The following EXT1 variants were observed in gnomAD, a reference collection of about 807,000 sequenced individuals.
The protein encoded by EXT1 is exostosin glycosyltransferase 1.
EXT1 carries 20 observed loss-of-function variants against 82.5 expected under a neutral mutation model. The observed-to-expected ratio is 0.24, with a 90% CI of 0.17 to 0.35. The LOEUF is 0.35. Among genes scored for constraint, EXT1 ranks in the 10% least tolerant of loss-of-function variants. The pLI is 1.00. For synonymous variants in EXT1, 348 were observed against 350.8 expected (o/e 0.99, Z 0.09); for missense variants, 757 against 936.5 (o/e 0.81, Z 2.50).
intron 1 of EXT1, among the ~76,000 whole-genome samples, chr8:117,933,301 C>T (rs1034390081): frequency 6.8e-6 from 1 of 147,104 alleles, no homozygotes; most frequent in African/African-American, 2.5e-5. Context: ...GGCTGGAGTG[C>T]AGTGGCGCCA....
chr8:118,078,420 A>G (rs1817249100), intron 1 of EXT1, among the ~76,000 whole-genome samples: 1 of 151,778 alleles, frequency 6.6e-6, no homozygotes, highest in South Asian at 2.1e-4. Flanking sequence ...GCTGGTCTCG[A>G]ACTCTGACCT....
intron 1 of EXT1, among the ~76,000 whole-genome samples, chr8:117,884,213 C>T (rs943996929): frequency 3.9e-5 from 6 of 152,336 alleles, no homozygotes; most frequent in East Asian, 1.9e-4. Flanking sequence ...CCTTTCTCCA[C>T]GCCATTCCTT....
intron 1 of EXT1, among the ~76,000 whole-genome samples, chr8:118,005,010 T>A (rs151082984): frequency 6.6e-6 from 1 of 152,158 alleles, no homozygotes; most frequent in African/African-American, 2.4e-5. Context: ...TGGAAAATGA[T>A]GTTATCATCC....
intron 1 of EXT1, among the ~76,000 whole-genome samples, chr8:117,894,113 G>C (rs1361602177): frequency 6.6e-6 from 1 of 152,098 alleles, no homozygotes; most frequent in Non-Finnish European, 1.5e-5. Context: ...GGCCCCTACT[G>C]CAATAGTTCC....
chr8:118,097,585 C>T (rs1218281474), intron 1 of EXT1, among the ~76,000 whole-genome samples: 1 of 152,204 alleles, frequency 6.6e-6, no homozygotes, highest in Non-Finnish European at 1.5e-5. Context: ...ACTGCCTTAA[C>T]CCACTTCCAT....
chr8:118,065,625 T>C (rs1816971704), intron 1 of EXT1, among the ~76,000 whole-genome samples: 1 of 152,234 alleles, frequency 6.6e-6, no homozygotes, highest in African/African-American at 2.4e-5. Flanking sequence ...CATATTGTGT[T>C]GGGCATTCAG....
intron 1 of EXT1, among the ~76,000 whole-genome samples, chr8:117,997,690 G>A (rs1187624692): frequency 6.6e-6 from 1 of 152,164 alleles, no homozygotes; most frequent in Non-Finnish European, 1.5e-5. Flanking sequence ...ATTCAGTAGA[G>A]GTACAGAATA....
intron 1 of EXT1, among the ~76,000 whole-genome samples, chr8:117,950,744 G>C (rs1449577375): frequency 6.6e-6 from 1 of 152,186 alleles, no homozygotes; most frequent in Non-Finnish European, 1.5e-5. Flanking sequence ...CATTAGAATA[G>C]ATGGACTATG....
At position 118,051,465 on chromosome 8, in the gene EXT1, A is replaced by G. The variant is rs1460467726; in HGVS notation, c.962+58620T>C. On this transcript the variant is annotated intron_variant, in intron 1 of 10. Coordinates refer to ENST00000378204, the MANE Select transcript of EXT1 (RefSeq NM_000127.3). ...ATTCAGTTTGCATCCTGTGCCTTTCAGTTAAACAAAAATTGAATAAAGCCA... is the reference window on the plus strand; with the variant it reads ...ATTCAGTTTGCATCCTGTGCCTTTCGGTTAAACAAAAATTGAATAAAGCCA... 2.6e-5 allele frequency among the ~76,000 whole-genome samples: 4 copies of G among 152,240 alleles called. No individual in the cohort carries two copies. The South Asian group carries it at 8.3e-4, about 31-fold the overall frequency.
chr8:117,968,118 A>T (rs1434191215), intron 1 of EXT1, among the ~76,000 whole-genome samples: 1 of 151,908 alleles, frequency 6.6e-6, no homozygotes, highest in Non-Finnish European at 1.5e-5. Context: ...ACTTTTTAAA[A>T]TTTTTTTATT....
chr8:117,865,495 C>A (rs1027687373), intron 1 of EXT1, among the ~76,000 whole-genome samples: 1 of 152,190 alleles, frequency 6.6e-6, no homozygotes, highest in Non-Finnish European at 1.5e-5. Flanking sequence ...AGTGGACTTA[C>A]TTAGAAATGA....
At position 117,822,406 on chromosome 8, in the gene EXT1, A is replaced by C. The variant is rs979655500; in HGVS notation, c.1417+59T>G. 2.5e-6 allele frequency: 4 copies of C among 1,589,554 alleles called. No individual in the cohort carries two copies. In the East Asian group the frequency reaches 8.9e-5, roughly 36 times the overall value. On this transcript the variant is annotated intron_variant, in intron 5 of 10. Transcript: ENST00000378204. The stretch of plus-strand genomic sequence containing the variant: ...TTAGAGTAGAAGAATAAAGGCCTTT[A>C]GTTCTGTATGACATCTTCAGGGTAA...
intron 9 of EXT1, among the ~76,000 whole-genome samples, chr8:117,806,175 T>A (rs1823233066): frequency 6.6e-6 from 1 of 152,192 alleles, no homozygotes; most frequent in Non-Finnish European, 1.5e-5. Context: ...CTAGATAATG[T>A]CAATCACTTC....
chr8:117,978,520 GA>G (rs920927618), intron 1 of EXT1, among the ~76,000 whole-genome samples: 40 of 146,916 alleles, frequency 2.7e-4, no homozygotes, highest in African/African-American at 5.5e-4. Context: ...CTAAATTAAT[GA>G]AAAAAAAAAG....
At chr8:117,922,796 C>G (rs1239389071) in intron 1 of EXT1, among the ~76,000 whole-genome samples, 1 of 152,312 alleles carries the variant, frequency 6.6e-6, no homozygotes, top group South Asian at 2.1e-4. Context: ...ACCATTATGT[C>G]TATACTGCGT....
intron 1 of EXT1, among the ~76,000 whole-genome samples, chr8:118,045,935 A>C (rs1028288325): frequency 6.6e-6 from 1 of 151,926 alleles, no homozygotes; most frequent in Non-Finnish European, 1.5e-5. Flanking sequence ...AGCTGAAATT[A>C]GAGGCACATA....
intron 1 of EXT1, among the ~76,000 whole-genome samples, chr8:118,006,945 C>A (rs924799765): frequency 7.2e-5 from 11 of 152,190 alleles, no homozygotes; most frequent in African/African-American, 2.7e-4. Context: ...ACTGAATCCA[C>A]ATTTCTATGT....
rs557970104 is a variant in EXT1, at chr8:118,097,060, T to C, written c.962+13025A>G. Reference sequence around the variant, plus strand: ...TCAATGTCATTTTCCCAAGGAGGCCTTTCTTTCCCTCCATATTTAAAGCTG... The same window carrying C: ...TCAATGTCATTTTCCCAAGGAGGCCCTTCTTTCCCTCCATATTTAAAGCTG... On this transcript the variant is annotated intron_variant, in intron 1 of 10. Coordinates refer to ENST00000378204, the MANE Select transcript of EXT1 (RefSeq NM_000127.3). 9.9e-5 allele frequency among the ~76,000 whole-genome samples: 15 copies of C among 152,268 alleles called. No homozygotes were observed. In the East Asian group the frequency reaches 2.1e-3, roughly 22 times the overall value.
chr8:117,981,754 T>G (rs1815208546), intron 1 of EXT1, among the ~76,000 whole-genome samples: 1 of 149,254 alleles, frequency 6.7e-6, no homozygotes, highest in Admixed American at 6.7e-5. Context: ...GGCAGGCACC[T>G]ATAATCCCAG....
Sources: gnomAD v4.1 joint callset for allele counts (sites outside exome capture counted in the v4.1 genomes callset) on GRCh38, gnomAD v4.1.1 for gene constraint, MANE v1.5 for transcripts, NCBI Gene and HGNC (gene_info 2026-07-23, HGNC 2026-07-21) for gene names.